Variants in COLEC12 observed in about 807,000 individuals in gnomAD.
COLEC12 encodes the protein collectin subfamily member 12.
In COLEC12, 33 loss-of-function variants were observed where a neutral mutation model predicts 71.1. That is an observed-to-expected ratio of 0.46 (90% CI 0.35 to 0.62). The LOEUF (loss-of-function observed/expected upper bound fraction) is 0.62, where lower values mean the gene tolerates loss of function less well. COLEC12 is among the 20% of genes least tolerant of loss of function. The pLI, the probability that COLEC12 is intolerant of heterozygous loss-of-function variation, is 0.00. For synonymous variants in COLEC12, 350 were observed against 353.0 expected, an observed-to-expected ratio of 0.99 and a Z score of 0.10; for missense variants, 765 against 916.1, an observed-to-expected ratio of 0.84 and a Z score of 2.13.
chr18:335,276 T>C (rs1295397561), intron 5 of COLEC12, 46 bp from the exon 6 acceptor site: 4 of 1,540,688 alleles, frequency 2.6e-6, no homozygotes, highest in Non-Finnish European at 3.5e-6. Context: ...CCACTGTGAA[T>C]GATAGTTATG....
At chr18:375,021 G>A (rs12458576) in intron 2 of COLEC12, among the ~76,000 whole-genome samples, 93,793 of 152,088 alleles carry the variant, frequency 0.62, 29,307 homozygotes, top group East Asian at 0.94. Context: ...CCATTAAGAA[G>A]TGTCCTACTT....
chr18:369,213 T>C (rs1418711934), intron 2 of COLEC12, among the ~76,000 whole-genome samples: 1 of 152,070 alleles, frequency 6.6e-6, no homozygotes, highest in Admixed American at 6.6e-5. Context: ...ATCCATTGCA[T>C]TTAAACAAGT....
At chr18:445,979 A>G (rs1232869180) in intron 2 of COLEC12, among the ~76,000 whole-genome samples, 1 of 152,168 alleles carries the variant, frequency 6.6e-6, no homozygotes, top group Non-Finnish European at 1.5e-5. Context: ...AACACTTCAT[A>G]TAAATGGAAT....
intron 2 of COLEC12, among the ~76,000 whole-genome samples, chr18:432,736 T>TAA (rs1916329370): frequency 7.5e-6 from 1 of 133,604 alleles, no homozygotes; most frequent in Non-Finnish European, 1.6e-5. Flanking sequence ...TGATATACTG[T>TAA]CTATCTGATT....
At chr18:434,195 TTGTC>T (rs1406755277) in intron 2 of COLEC12, among the ~76,000 whole-genome samples, 2 of 152,268 alleles carry the variant, frequency 1.3e-5, no homozygotes, top group South Asian at 2.1e-4. Context: ...GTCATTCTCA[TTGTC>T]TGAGAAAAAG....
At position 480,025 on chromosome 18, in the gene COLEC12, TCTG is replaced by T. The variant is rs1181351900; in HGVS notation, c.58+679_58+681del. Reference sequence around the variant, plus strand: ...TTGACCAGAGAACATAACAAAAATCTCTGCTTCCATCCTCACATCACCTTCTCT... The same window carrying T: ...TTGACCAGAGAACATAACAAAAATCTCTTCCATCCTCACATCACCTTCTCT... On this transcript the variant is annotated intron_variant, in intron 2 of 9. Coordinates refer to ENST00000400256, the MANE Select transcript of COLEC12 (RefSeq NM_130386.3). The surrounding 1 kb of genome is among the most constrained non-coding windows in gnomAD (Gnocchi z 4.1). 6.6e-6 allele frequency among the ~76,000 whole-genome samples: 1 copy of T among 152,166 alleles called. No homozygotes were observed. Among genetic ancestry groups the T allele is most frequent in the Non-Finnish European group, 1.5e-5 (1 of 68,032 alleles).
chr18:424,673 T>C (rs1371814688), intron 2 of COLEC12, among the ~76,000 whole-genome samples: 1 of 152,252 alleles, frequency 6.6e-6, no homozygotes, highest in Non-Finnish European at 1.5e-5. Context: ...AGAGGACTTC[T>C]GATGTTGTCA....
In COLEC12 at chr18:321,593, C is replaced by T. The variant is rs539120858; in HGVS notation, c.2209+69G>A. ...AGTGCCTGCATTCAGGGCCCTTGTA[C>T]TCACCACCCCTCACCCTTTCATAGG... On this transcript the variant is annotated intron_variant, in intron 9 of 9. Coordinates refer to ENST00000400256, the MANE Select transcript of COLEC12 (RefSeq NM_130386.3). 234 of 1,570,090 alleles carry T rather than the reference C, an allele frequency of 1.5e-4. No homozygotes were observed. In the East Asian group the frequency reaches 3.8e-3, roughly 26 times the overall value.
chr18:464,455 A>T (rs1917047464), intron 2 of COLEC12, among the ~76,000 whole-genome samples: 3 of 152,172 alleles, frequency 2.0e-5, no homozygotes, highest in Admixed American at 6.5e-5. Context: ...CTGTTTCCTC[A>T]GCCTTAAGGC....
At chr18:496,538 T>C (rs1567926476) in intron 1 of COLEC12, among the ~76,000 whole-genome samples, 1 of 152,230 alleles carries the variant, frequency 6.6e-6, no homozygotes, top group Non-Finnish European at 1.5e-5. Context: ...CAATTGCCTT[T>C]ATAGGCTTGT....
chr18:398,286 C>G (rs1267835257), intron 2 of COLEC12, among the ~76,000 whole-genome samples: 1 of 152,112 alleles, frequency 6.6e-6, no homozygotes, highest in Non-Finnish European at 1.5e-5. Flanking sequence ...AAAATTAGAG[C>G]CCTTATATAC....
At chr18:451,338 G>A (rs190995501) in intron 2 of COLEC12, among the ~76,000 whole-genome samples, 303 of 152,110 alleles carry the variant, frequency 2.0e-3, no homozygotes, top group African/African-American at 6.5e-3. Context: ...AAAGGGAAGC[G>A]GAGCCCAAAA....
rs1651349203 is a variant in COLEC12 at position 480,816 on chromosome 18, G to A, written c.8-59C>T. On this transcript the variant is annotated intron_variant, in intron 1 of 9. Transcript: ENST00000400256. The surrounding 1 kb of genome is among the most constrained non-coding windows in gnomAD (Gnocchi z 4.1). ...GGCAAGGGGCACAGAAGCAGAGGGT[G>A]GGGCAGGATGCGACCTGCTTCATCG... 2 of 1,438,396 alleles carry A rather than the reference G, an allele frequency of 1.4e-6. No homozygotes were observed. Among genetic ancestry groups the A allele is most frequent in the South Asian group, 1.1e-5 (1 of 87,636 alleles). 89.1% of individuals were successfully genotyped at this position (1,438,396 alleles called of 1,614,324 possible). A position where few individuals can be genotyped will look rare whatever the true frequency, so the allele number is the denominator to read the frequency against.
At chr18:396,092 C>T (rs573286490) in intron 2 of COLEC12, among the ~76,000 whole-genome samples, 1 of 152,304 alleles carries the variant, frequency 6.6e-6, no homozygotes, top group East Asian at 1.9e-4. Flanking sequence ...TGGCACCCCT[C>T]AGCCTCTAGT....
At chr18:328,356 A>G (rs1913893394) in intron 8 of COLEC12, among the ~76,000 whole-genome samples, 1 of 152,140 alleles carries the variant, frequency 6.6e-6, no homozygotes, top group Non-Finnish European at 1.5e-5. Flanking sequence ...TGCTGGTAGG[A>G]GACCCTTGAG....
chr18:452,129 A>C (rs1916774869), intron 2 of COLEC12, among the ~76,000 whole-genome samples: 1 of 152,252 alleles, frequency 6.6e-6, no homozygotes, highest in South Asian at 2.1e-4. Context: ...AGCAGAATAG[A>C]TATTGTTGAG....
At chr18:369,796 C>T (rs549087820) in intron 2 of COLEC12, among the ~76,000 whole-genome samples, 1 of 152,216 alleles carries the variant, frequency 6.6e-6, no homozygotes, top group South Asian at 2.1e-4. Flanking sequence ...GACCAACCAC[C>T]CTGAACGTGC....
chr18:490,337 C>T (rs1484686747), intron 1 of COLEC12, among the ~76,000 whole-genome samples: 1 of 152,204 alleles, frequency 6.6e-6, no homozygotes, highest in African/African-American at 2.4e-5. Context: ...GAGCAAAAAA[C>T]CAGCTGCTGT....
At chr18:461,206 T>C (rs1020088901) in intron 2 of COLEC12, among the ~76,000 whole-genome samples, 1 of 152,172 alleles carries the variant, frequency 6.6e-6, no homozygotes, top group Non-Finnish European at 1.5e-5. Flanking sequence ...AGAAATATAA[T>C]GCAAGCCACA....
Sources: allele counts gnomAD v4.1 joint callset (sites outside exome capture counted in the v4.1 genomes callset), GRCh38; gene constraint gnomAD v4.1.1; non-coding constraint Gnocchi (gnomAD v3.1); transcripts MANE v1.5; gene names NCBI Gene and HGNC (gene_info 2026-07-23, HGNC 2026-07-21).